RPS6KC1: variants seen among roughly 807,000 people sequenced by gnomAD.
RPS6KC1 encodes ribosomal protein S6 kinase C1, also known as inactive ribosomal protein S6 kinase delta-1.
RPS6KC1 carries 54 observed loss-of-function variants against 103.8 expected under a neutral mutation model. The observed-to-expected ratio is 0.52, with a 90% CI of 0.42 to 0.65. RPS6KC1 has a LOEUF of 0.65. Among genes scored for constraint, RPS6KC1 ranks in the 30% least tolerant of loss-of-function variants. RPS6KC1 has a pLI of 0.00. For missense variants in RPS6KC1, 1,151 were observed against 1,253.8 expected (o/e 0.92, Z 1.24); for synonymous variants, 439 against 438.7 (o/e 1.00, Z -0.01).
intron 8 of RPS6KC1, among the ~76,000 whole-genome samples, chr1:213,230,285 A>T (rs1298314574): frequency 6.6e-6 from 1 of 152,146 alleles, no homozygotes; most frequent in East Asian, 1.9e-4. Flanking sequence ...AAAATACGGC[A>T]TTTTTAGAAA....
At chr1:213,064,411 A>T (rs2078114424) in intron 1 of RPS6KC1, among the ~76,000 whole-genome samples, 1 of 145,258 alleles carries the variant, frequency 6.9e-6, no homozygotes, top group South Asian at 2.2e-4. Context: ...CTTGTTGCCC[A>T]GGCTGGAGTA....
intron 6 of RPS6KC1, among the ~76,000 whole-genome samples, chr1:213,147,008 C>T (rs1429818431): frequency 6.6e-6 from 1 of 152,150 alleles, no homozygotes; most frequent in Non-Finnish European, 1.5e-5. Context: ...TGAGAAATGT[C>T]TGTTCATATC....
the RPS6KC1 span, among the ~76,000 whole-genome samples, chr1:213,633,023 A>G: frequency 0.1 from 15,215 of 152,198 alleles, 1,177 homozygotes; most frequent in African/African-American, 0.22. Flanking sequence ...AAACGAACAA[A>G]GCCTCCAAGA....
intron 6 of RPS6KC1, among the ~76,000 whole-genome samples, chr1:213,138,434 G>C (rs1181820062): frequency 2.0e-5 from 3 of 152,016 alleles, no homozygotes; most frequent in Non-Finnish European, 4.4e-5. Context: ...CACAGGAGTT[G>C]GTGTGCAGAT....
chr1:213,496,829 A>G, the RPS6KC1 span, among the ~76,000 whole-genome samples: 2 of 152,228 alleles, frequency 1.3e-5, no homozygotes, highest in Non-Finnish European at 2.9e-5. Context: ...AGTTAGTTGT[A>G]TCCATCTTGC....
chr1:213,627,249 T>C, the RPS6KC1 span, among the ~76,000 whole-genome samples: 1 of 152,254 alleles, frequency 6.6e-6, no homozygotes, highest in African/African-American at 2.4e-5. Flanking sequence ...ATAAGAATAC[T>C]TGTGATTTTT....
At chr1:213,746,754 A>C in the RPS6KC1 span, among the ~76,000 whole-genome samples, 2 of 152,164 alleles carry the variant, frequency 1.3e-5, no homozygotes, top group African/African-American at 4.8e-5. Flanking sequence ...GTCAGTTTCC[A>C]AATATCACTT....
intron 3 of RPS6KC1, among the ~76,000 whole-genome samples, chr1:213,095,595 C>T (rs1478576700): frequency 1.3e-5 from 2 of 152,098 alleles, no homozygotes; most frequent in East Asian, 1.9e-4. Context: ...GGGAGAGTGT[C>T]TTATATATAT....
chr1:213,472,956 CCT>C, the RPS6KC1 span, among the ~76,000 whole-genome samples: 1 of 152,208 alleles, frequency 6.6e-6, no homozygotes, highest in Non-Finnish European at 1.5e-5. Context: ...AATGTTATCT[CCT>C]TCAAGACATC....
chr1:213,171,214 C>T (rs2091450068), intron 7 of RPS6KC1, among the ~76,000 whole-genome samples: 1 of 151,988 alleles, frequency 6.6e-6, no homozygotes, highest in African/African-American at 2.4e-5. Flanking sequence ...GGAAAAAAAG[C>T]ACTCTCTTAC....
chr1:213,610,759 G>A, the RPS6KC1 span, among the ~76,000 whole-genome samples: 3 of 152,310 alleles, frequency 2.0e-5, no homozygotes, highest in South Asian at 6.2e-4. Flanking sequence ...ACACATGTGA[G>A]CAATTCAGGT....
At chr1:213,834,022 C>T in the RPS6KC1 span, among the ~76,000 whole-genome samples, 51 of 152,120 alleles carry the variant, frequency 3.4e-4, no homozygotes, top group Admixed American at 3.3e-4. Flanking sequence ...GTGATAGGCT[C>T]GTAATGGTCT....
At chr1:213,533,117 T>C in the RPS6KC1 span, among the ~76,000 whole-genome samples, 325 of 152,004 alleles carry the variant, frequency 2.1e-3, no homozygotes, top group African/African-American at 7.1e-3. Context: ...CCCTGAGAAA[T>C]TAGGAAACGG....
the RPS6KC1 span, among the ~76,000 whole-genome samples, chr1:213,806,029 G>A: frequency 2.6e-5 from 4 of 152,144 alleles, no homozygotes; most frequent in Admixed American, 2.0e-4. Context: ...CTCAACAGTG[G>A]GCCTAAAATA....
Position 213,117,375 on chromosome 1 carries a change from C to T in RPS6KC1, c.437C>T (p.Ser146Phe), listed in dbSNP as rs774083131. ...LIGPAEAHSD[S>F]LIDTFPECST... ...GGTCCTGCTGAAGCTCACTCAGATT[C>T]CCTCATTGATACCTTTCCTGAGTGT... Residue 146 changes from serine to phenylalanine, a missense_variant, in exon 5 of 15, where the codon TCC (serine) becomes TTC (phenylalanine). By Grantham distance (155) the Ser-to-Phe change is radical. Transcript: ENST00000366960. 1.2e-6 allele frequency: 2 copies of T among 1,610,310 alleles called. No individual in the cohort carries two copies.
At chr1:213,457,576 A>G in the RPS6KC1 span, among the ~76,000 whole-genome samples, 1 of 152,228 alleles carries the variant, frequency 6.6e-6, no homozygotes, top group South Asian at 2.1e-4. Flanking sequence ...CATCTAGTTC[A>G]ACTACCAGAG....
chr1:213,260,702 G>C (rs538866507), intron 12 of RPS6KC1, among the ~76,000 whole-genome samples: 1 of 149,056 alleles, frequency 6.7e-6, no homozygotes, highest in Admixed American at 6.7e-5. Flanking sequence ...CAAGGCTTCG[G>C]GACTAATTTA....
At position 213,209,366 on chromosome 1, in the gene RPS6KC1, T is replaced by A. The variant is rs546660057; in HGVS notation, c.1045-21131T>A. 2.3e-4 allele frequency among the ~76,000 whole-genome samples: 35 copies of A among 152,164 alleles called. No homozygotes were observed. The South Asian group carries it at 7.3e-3, about 32-fold the overall frequency. ...ATTTCACGCAAGAAAGAATTCCTGG[T>A]GAGTCCACAGATTAAAGTGAAAGCA... On this transcript the variant is annotated intron_variant, in intron 8 of 14. Coordinates refer to ENST00000366960, the MANE Select transcript of RPS6KC1 (RefSeq NM_012424.6).
chr1:213,193,732 G>A (rs953768925), intron 8 of RPS6KC1, among the ~76,000 whole-genome samples: 13 of 152,004 alleles, frequency 8.6e-5, no homozygotes, highest in African/African-American at 2.4e-4. Context: ...ACGCTTAAAC[G>A]ATCCTCCCAC....
Sources: allele counts gnomAD v4.1 joint callset (sites outside exome capture counted in the v4.1 genomes callset), GRCh38; gene constraint gnomAD v4.1.1; transcripts MANE v1.5; gene names NCBI Gene and HGNC (gene_info 2026-07-23, HGNC 2026-07-21).